Variants in NT5C2 observed in about 807,000 individuals in gnomAD.
The protein encoded by NT5C2 is 5'-nucleotidase, cytosolic II, also known as cytosolic purine 5'-nucleotidase.
Under a neutral mutation model 76.1 loss-of-function variants are expected in NT5C2, and 58 were observed. The observed-to-expected ratio is 0.76, with a 90% confidence interval of 0.62 to 0.95. The LOEUF is 0.95. Ranked by LOEUF, NT5C2 falls within the 40% of genes least tolerant of loss-of-function variation. The pLI, the probability that NT5C2 is intolerant of heterozygous loss-of-function variation, is 0.00. For synonymous variants in NT5C2, 229 were observed against 237.4 expected, an observed-to-expected ratio of 0.96 and a Z score of 0.32; for missense variants, 478 against 690.3, an observed-to-expected ratio of 0.69 and a Z score of 3.45.
intron 15 of NT5C2, among the ~76,000 whole-genome samples, chr10:103,092,207 T>C (rs964483768): frequency 6.6e-6 from 1 of 152,244 alleles, no homozygotes; most frequent in Non-Finnish European, 1.5e-5. Context: ...ATCTACTGTA[T>C]GTAACACATT....
At chr10:103,162,828 T>C (rs1245661233) in intron 3 of NT5C2, among the ~76,000 whole-genome samples, 1 of 152,224 alleles carries the variant, frequency 6.6e-6, no homozygotes, top group East Asian at 1.9e-4. Flanking sequence ...AGTAATAGTT[T>C]ATTTAAAATA....
chr10:103,175,380 T>G (rs1035325958), intron 2 of NT5C2, among the ~76,000 whole-genome samples: 1 of 152,162 alleles, frequency 6.6e-6, no homozygotes, highest in Non-Finnish European at 1.5e-5. Context: ...CAGATTCTGG[T>G]GTGGAGTAGA....
rs773823085 is a variant in NT5C2, at chr10:103,106,655, C to G, written c.227G>C (p.Arg76Thr). The change falls in exon 5 of 19, where the codon AGA (arginine) becomes ACA (threonine). Residue 76 changes from arginine (R) to threonine (T), a missense_variant. Physicochemically the swap from Arg to Thr is moderately conservative, Grantham distance 71. Transcript: ENST00000404739. Reference sequence around the variant, plus strand: ...CTGGGGATAGCCAATAGAAACTAATCTCTCCACAGTAAGCTCAAAACCAAG... The same window carrying G: ...CTGGGGATAGCCAATAGAAACTAATGTCTCCACAGTAAGCTCAAAACCAAG... Reference protein sequence around the residue: ...ESLGFELTVERLVSIGYPQEL... With the variant: ...ESLGFELTVETLVSIGYPQEL... The G allele has an allele frequency of 1.8e-5, 29 of 1,613,766 alleles. No individual in the cohort carries two copies. The highest frequency in any genetic ancestry group is 2.1e-5 in the Non-Finnish European group (25 of 1,179,818).
chr10:103,146,293 G>T (rs956568437), intron 3 of NT5C2: 5 of 985,242 alleles, frequency 5.1e-6, no homozygotes, highest in Middle Eastern at 1.0e-3. Context: ...AATTTCTTTG[G>T]CAATGGTGAA....
At chr10:103,139,063 G>C (rs1378112881) in intron 4 of NT5C2, among the ~76,000 whole-genome samples, 1 of 151,356 alleles carries the variant, frequency 6.6e-6, no homozygotes, top group Non-Finnish European at 1.5e-5. Flanking sequence ...GGCAGTGCAA[G>C]AGACACAAAA....
intron 3 of NT5C2, among the ~76,000 whole-genome samples, chr10:103,141,827 T>G (rs1054563697): frequency 1.3e-5 from 2 of 152,204 alleles, no homozygotes; most frequent in Admixed American, 1.3e-4. Flanking sequence ...TATATTGTAA[T>G]TTACTCTGTT....
chr10:103,102,231 T>C (rs2069901706), intron 6 of NT5C2, among the ~76,000 whole-genome samples: 1 of 151,910 alleles, frequency 6.6e-6, no homozygotes, highest in South Asian at 2.1e-4. Context: ...TAGCAGCAAA[T>C]GGGATCCAAG....
intron 4 of NT5C2, among the ~76,000 whole-genome samples, chr10:103,129,672 AG>A (rs1857163102): frequency 2.7e-5 from 2 of 73,724 alleles, no homozygotes; most frequent in Non-Finnish European, 5.7e-5. Context: ...CCGGGAGGTG[AG>A]GGGCGCCTCT....
chr10:103,128,052 TCTCCCTCTCCC>T (rs1565092263), intron 4 of NT5C2, among the ~76,000 whole-genome samples: 4 of 68,012 alleles, frequency 5.9e-5, no homozygotes, highest in Non-Finnish European at 1.3e-4. Context: ...GGTCTCTCCC[TCTCCCTCTCCC>T]TCTCCCTCTC....
chr10:103,178,238 A>G (rs1045435398), intron 2 of NT5C2, among the ~76,000 whole-genome samples: 2 of 152,192 alleles, frequency 1.3e-5, no homozygotes, highest in African/African-American at 2.4e-5. Flanking sequence ...CCTAAACGTA[A>G]TATCTAAAAC....
chr10:103,114,564 A>G (rs1388417389), intron 4 of NT5C2, among the ~76,000 whole-genome samples: 3 of 152,242 alleles, frequency 2.0e-5, no homozygotes, highest in African/African-American at 7.2e-5. Flanking sequence ...ATACTTCCAC[A>G]TACATTATCT....
At chr10:103,189,329 C>T (rs1236156613) in intron 1 of NT5C2, among the ~76,000 whole-genome samples, 1 of 151,900 alleles carries the variant, frequency 6.6e-6, no homozygotes, top group Non-Finnish European at 1.5e-5. Context: ...AATTAAGGGC[C>T]GGGCGTGGTA....
chr10:103,095,927 C>T lies in NT5C2; in HGVS notation c.813+12G>A. 6.2e-7 allele frequency: 1 copy of T among 1,608,338 alleles called. No individual in the cohort carries two copies. The highest frequency in any genetic ancestry group is 8.5e-7 in the Non-Finnish European group (1 of 1,175,166). Reference sequence around the variant, plus strand: ...TTATTAAAGCAGTGGTCTATTGAGTCACATACGGTACCTTGGGGCCATGTG... The same window carrying T: ...TTATTAAAGCAGTGGTCTATTGAGTTACATACGGTACCTTGGGGCCATGTG... On this transcript the variant is annotated intron_variant, in intron 12 of 18. Coordinates refer to ENST00000404739, the MANE Select transcript of NT5C2 (RefSeq NM_001351169.2).
rs779140302 is a variant in NT5C2, at chr10:103,089,378, G to C, written c.*294C>G. On this transcript the variant is annotated 3_prime_UTR_variant, in exon 19 of 19. Coordinates refer to ENST00000404739, the MANE Select transcript of NT5C2 (RefSeq NM_001351169.2). ...TATCCAGATACACTGACATACGGAT[G>C]ATTTTAAAAGTGTCACAAGCCACAG... is the stretch of plus-strand genomic sequence containing the variant. 5.3e-5 allele frequency: 16 copies of C among 300,210 alleles called. No homozygotes were observed. The highest frequency in any genetic ancestry group is 2.4e-4 in the Admixed American group (5 of 20,904). The allele number at this position is 300,210 out of a possible 1,614,324, so 18.6% of individuals were successfully genotyped here.
At chr10:103,184,080 G>T (rs1402056770) in intron 1 of NT5C2, among the ~76,000 whole-genome samples, 1 of 151,792 alleles carries the variant, frequency 6.6e-6, no homozygotes, top group Non-Finnish European at 1.5e-5. Context: ...AGCCTCCCAA[G>T]TAGCTGGGAT....
chr10:103,090,512 A>G, intron 18 of NT5C2, 99 bp downstream of exon 18: 1 of 1,114,682 alleles, frequency 9.0e-7, no homozygotes, highest in Non-Finnish European at 1.3e-6. Context: ...TGTACATCAG[A>G]AAGAAATGTT....
intron 12 of NT5C2, 125 bp from the exon 13 acceptor site, chr10:103,094,580 T>C (rs1256546890): frequency 4.6e-6 from 3 of 650,998 alleles, no homozygotes; most frequent in Non-Finnish European, 8.3e-6. Flanking sequence ...CACTATTTTA[T>C]TTTTTAAAAA....
chr10:103,122,019 C>T lies in NT5C2; in HGVS notation c.176-15313G>A, dbSNP rs570191138. On this transcript the variant is annotated intron_variant, in intron 4 of 18. Coordinates refer to ENST00000404739, the MANE Select transcript of NT5C2 (RefSeq NM_001351169.2). ...GCCAACCCTGTCTCTACTAAAAATA[C>T]AAAAATTAGCCAGGCGTGGTGGCAG... 2.0e-5 allele frequency among the ~76,000 whole-genome samples: 3 copies of T among 152,136 alleles called. No homozygotes were observed. In the East Asian group the frequency reaches 5.8e-4, roughly 29 times the overall value.
intron 1 of NT5C2, among the ~76,000 whole-genome samples, chr10:103,188,082 C>T (rs1161186751): frequency 2.0e-5 from 3 of 152,164 alleles, no homozygotes; most frequent in East Asian, 1.9e-4. Context: ...ATAGGGCGGA[C>T]GCGGTGGCTC....
Sources: allele counts gnomAD v4.1 joint callset (sites outside exome capture counted in the v4.1 genomes callset), GRCh38; gene constraint gnomAD v4.1.1; transcripts MANE v1.5; gene names NCBI Gene and HGNC (gene_info 2026-07-23, HGNC 2026-07-21).